EPHB2: variants seen among roughly 807,000 people sequenced by gnomAD.
The protein encoded by EPHB2 is ephrin type-B receptor 2.
EPHB2 carries 18 observed loss-of-function variants against 96.4 expected under a neutral mutation model. The observed-to-expected ratio is 0.19, with a 90% CI of 0.13 to 0.28. The LOEUF is 0.28. Among genes scored for constraint, EPHB2 ranks in the 10% least tolerant of loss-of-function variants. The pLI is 1.00. For missense variants in EPHB2, 989 were observed against 1,355.4 expected (o/e 0.73, Z 4.25); for synonymous variants, 506 against 534.1 (o/e 0.95, Z 0.72).
chr1:22,843,425 A>G (rs1645497076), intron 3 of EPHB2, among the ~76,000 whole-genome samples: 1 of 152,182 alleles, frequency 6.6e-6, no homozygotes, highest in Non-Finnish European at 1.5e-5. Flanking sequence ...GATTTGGTGT[A>G]CAGATTATTT....
intron 3 of EPHB2, among the ~76,000 whole-genome samples, chr1:22,808,050 C>A (rs914403163): frequency 1.1e-4 from 16 of 151,874 alleles, no homozygotes; most frequent in African/African-American, 3.9e-4. Context: ...AGGAGAATTG[C>A]TTGAGCCTGG....
intron 3 of EPHB2, among the ~76,000 whole-genome samples, chr1:22,789,466 C>T (rs1644661161): frequency 6.6e-6 from 1 of 152,126 alleles, no homozygotes. Context: ...GTGGGCTAAA[C>T]TGATTCAATC....
At chr1:22,767,305 G>A (rs1003407604) in intron 1 of EPHB2, among the ~76,000 whole-genome samples, 12 of 152,134 alleles carry the variant, frequency 7.9e-5, no homozygotes, top group South Asian at 2.1e-4. Flanking sequence ...AGCCCTTCCC[G>A]ACGCCACTAC....
At chr1:22,912,117 A>G (rs998712857) in intron 14 of EPHB2, among the ~76,000 whole-genome samples, 3 of 152,130 alleles carry the variant, frequency 2.0e-5, no homozygotes, top group African/African-American at 7.2e-5. Flanking sequence ...ATAAGCATGG[A>G]GCTGCGTCTT....
chr1:22,909,320 A>C (rs1223126264), intron 13 of EPHB2, 149 bp downstream of exon 13: 2 of 1,274,788 alleles, frequency 1.6e-6, no homozygotes, highest in African/African-American at 1.5e-5. Flanking sequence ...CTGCCAGCCC[A>C]ATGGTGGCTG....
intron 9 of EPHB2, among the ~76,000 whole-genome samples, chr1:22,899,117 C>T (rs955677011): frequency 2.0e-5 from 3 of 149,828 alleles, no homozygotes; most frequent in Admixed American, 1.3e-4. Flanking sequence ...TGCTTGAACC[C>T]GGGAGGCAGA....
chr1:22,812,144 G>A lies in EPHB2; in HGVS notation c.811+27068G>A, dbSNP rs1400483196. ...CAGATATTTGTTGTGAAATGGAGGCGCCACATCTACCTCTCCAGATACTAG... is the reference window on the plus strand; with the variant it reads ...CAGATATTTGTTGTGAAATGGAGGCACCACATCTACCTCTCCAGATACTAG... On this transcript the variant is annotated intron_variant, in intron 3 of 15. Coordinates refer to ENST00000374630, the MANE Select transcript of EPHB2 (RefSeq NM_017449.5). Among the ~76,000 whole-genome samples, 10 of 152,290 alleles carry A rather than the reference G, an allele frequency of 6.6e-5. No homozygotes were observed. The South Asian group carries it at 8.3e-4, about 13-fold the overall frequency.
Position 22,865,060 on chromosome 1 carries a change from G to T in EPHB2, c.1151G>T (p.Arg384Leu), listed in dbSNP as rs762351366. 1 of 1,614,064 alleles carries T rather than the reference G, an allele frequency of 6.2e-7. No individual in the cohort carries two copies. Among genetic ancestry groups the T allele is most frequent in the Admixed American group, 1.7e-5 (1 of 60,010 alleles). The part of the protein sequence containing the change: ...RCGDNVQYAP[R>L]QLGLTEPRIY... ...GGGGACAATGTACAGTACGCACCAC[G>T]CCAGCTAGGCCTGACCGAGCCACGC... The change falls in exon 5 of 16, where the codon CGC becomes CTC. Residue 384 changes from arginine to leucine, a missense_variant. Physicochemically the swap from Arg to Leu is moderately radical, Grantham distance 102. Transcript: ENST00000374630.
intron 1 of EPHB2, among the ~76,000 whole-genome samples, chr1:22,756,896 G>T (rs1035649920): frequency 7.2e-5 from 11 of 152,162 alleles, no homozygotes; most frequent in African/African-American, 1.7e-4. Flanking sequence ...ACAGTATGCT[G>T]GGTATGATTC....
chr1:22,759,173 CTCACCTGCCATGAAGCTTGACTTGG>C (rs1222561666), intron 1 of EPHB2, among the ~76,000 whole-genome samples: 2 of 152,158 alleles, frequency 1.3e-5, no homozygotes, highest in Admixed American at 1.3e-4. Flanking sequence ...AGCTCGCTTC[CTCACCTGCCATGAAGCTTGACTTGG>C]AGGCCAGCAT....
intron 11 of EPHB2, among the ~76,000 whole-genome samples, chr1:22,907,313 C>G (rs1639949705): frequency 6.6e-6 from 1 of 152,178 alleles, no homozygotes; most frequent in Non-Finnish European, 1.5e-5. Flanking sequence ...AGGATTTGCC[C>G]AGAGTCACCC....
At chr1:22,814,743 G>A (rs542034607) in intron 3 of EPHB2, among the ~76,000 whole-genome samples, 129 of 152,334 alleles carry the variant, frequency 8.5e-4, no homozygotes, top group Middle Eastern at 3.4e-3. Context: ...GGGAGGCGGG[G>A]AAGAAGCATG....
chr1:22,805,737 A>C (rs998843951), intron 3 of EPHB2, among the ~76,000 whole-genome samples: 1 of 152,152 alleles, frequency 6.6e-6, no homozygotes, highest in Non-Finnish European at 1.5e-5. Flanking sequence ...TGTATGAGAG[A>C]GAGAGAGAGA....
At chr1:22,788,620 C>T (rs1377940178) in intron 3 of EPHB2, among the ~76,000 whole-genome samples, 1 of 152,198 alleles carries the variant, frequency 6.6e-6, no homozygotes, top group Non-Finnish European at 1.5e-5. Flanking sequence ...ATCAGAGTCA[C>T]CTGGTTAGTT....
In EPHB2 at chr1:22,845,724, A is replaced by C. The variant is rs1160830832; in HGVS notation, c.812-17313A>C. Among the ~76,000 whole-genome samples, 3 of 152,122 alleles carry C rather than the reference A, an allele frequency of 2.0e-5. No homozygotes were observed. In the East Asian group the frequency reaches 5.8e-4, roughly 29 times the overall value. ...TCTCTCTCTTTACACACACACACCC[A>C]CACACACACGTACACAGACAGCACA... is the stretch of plus-strand genomic sequence containing the variant. On this transcript the variant is annotated intron_variant, in intron 3 of 15. Transcript: ENST00000374630.
chr1:22,881,402 A>T (rs1639040605), intron 5 of EPHB2, among the ~76,000 whole-genome samples: 1 of 151,128 alleles, frequency 6.6e-6, no homozygotes, highest in Non-Finnish European at 1.5e-5. Context: ...CATCTCAAAA[A>T]AAAAATTAGC....
In EPHB2 at chr1:22,784,334, T is replaced by C. The variant is rs1419455550; in HGVS notation, c.127-58T>C. The C allele has an allele frequency of 6.4e-7, 1 of 1,550,438 alleles. No homozygotes were observed. Among genetic ancestry groups the C allele is most frequent in the African/African-American group, 1.4e-5 (1 of 73,646 alleles). On this transcript the variant is annotated intron_variant, in intron 2 of 15. Coordinates refer to ENST00000374630, the MANE Select transcript of EPHB2 (RefSeq NM_017449.5). The surrounding 1 kb of genome is among the most constrained non-coding windows in gnomAD (Gnocchi z 5.1). ...AGAGTCTGTGTCTTCCACCTTAGAC[T>C]GAGTGTGTGCTGGGGCTGAGCCCTT... is the stretch of plus-strand genomic sequence containing the variant.
chr1:22,881,688 G>A (rs998914514), intron 5 of EPHB2, among the ~76,000 whole-genome samples: 4 of 152,172 alleles, frequency 2.6e-5, no homozygotes, highest in East Asian at 1.9e-4. Context: ...TCTGCCTCCC[G>A]CACTGAAGCG....
chr1:22,882,283 G>C (rs765985759), intron 5 of EPHB2, 76 bp from the exon 6 acceptor site: 75 of 1,596,228 alleles, frequency 4.7e-5, no homozygotes, highest in Non-Finnish European at 6.3e-5. Context: ...CCACCTGTCC[G>C]AGTACCTCTG....
Sources: gnomAD v4.1 joint callset for allele counts (sites outside exome capture counted in the v4.1 genomes callset) on GRCh38, gnomAD v4.1.1 for gene constraint, Gnocchi (gnomAD v3.1) non-coding constraint, MANE v1.5 for transcripts, NCBI Gene and HGNC (gene_info 2026-07-23, HGNC 2026-07-21) for gene names.